The following SGCD variants were observed in gnomAD, a reference collection of about 807,000 sequenced individuals.
SGCD encodes sarcoglycan delta, also known as delta-sarcoglycan.
SGCD carries 18 observed loss-of-function variants against 36.6 expected under a neutral mutation model. That is an observed-to-expected ratio of 0.49 (90% CI 0.34 to 0.73). The LOEUF is 0.73. Among genes scored for constraint, SGCD ranks in the 30% least tolerant of loss-of-function variants. SGCD has a pLI of 0.01. For synonymous variants in SGCD, 133 were observed against 130.6 expected, an observed-to-expected ratio of 1.02 and a Z score of -0.12; for missense variants, 387 against 346.7, an observed-to-expected ratio of 1.12 and a Z score of -0.92.
intron 1 of SGCD, among the ~76,000 whole-genome samples, chr5:155,889,729 C>T (rs562849122): frequency 3.3e-5 from 5 of 152,194 alleles, no homozygotes; most frequent in African/African-American, 7.2e-5. Flanking sequence ...GCATCAAATG[C>T]ATTGCCTGCC....
At chr5:156,369,981 G>T (rs1332151124) in intron 3 of SGCD, among the ~76,000 whole-genome samples, 1 of 152,114 alleles carries the variant, frequency 6.6e-6, no homozygotes, top group Non-Finnish European at 1.5e-5. Context: ...AGTCACAAGA[G>T]CTATTACAGG....
At chr5:156,305,378 G>T (rs1767176731) in intron 3 of SGCD, among the ~76,000 whole-genome samples, 5 of 152,208 alleles carry the variant, frequency 3.3e-5, no homozygotes, top group Admixed American at 3.3e-4. Context: ...CTTTCAGAGG[G>T]TGCAAGTCTC....
chr5:156,598,354 C>G (rs1761023234), intron 6 of SGCD, among the ~76,000 whole-genome samples: 1 of 151,976 alleles, frequency 6.6e-6, no homozygotes, highest in Non-Finnish European at 1.5e-5. Context: ...CCAGCCTGAC[C>G]AACATGGTGA....
intron 3 of SGCD, among the ~76,000 whole-genome samples, chr5:156,149,161 G>A (rs1762775894): frequency 6.6e-6 from 1 of 152,174 alleles, no homozygotes; most frequent in Non-Finnish European, 1.5e-5. Flanking sequence ...TATCTGTGGA[G>A]TACATGAGAT....
At chr5:156,362,681 T>A (rs1186477218) in intron 3 of SGCD, among the ~76,000 whole-genome samples, 4 of 152,094 alleles carry the variant, frequency 2.6e-5, no homozygotes, top group Non-Finnish European at 1.5e-5. Context: ...CATTCCATAG[T>A]GTGACTACTG....
rs1416567436 is a variant in SGCD, at chr5:155,947,292, CTTGTGT to C, written c.-282+76869_-282+76874del. ...TTAGCTTGGTATTATCATAAATACT[CTTGTGT>C]GTGTGTGTGTGTGTGTGTGTGTGTG... On this transcript the variant is annotated intron_variant, in intron 1 of 9. Coordinates refer to the SGCD transcript ENST00000517913. Among the ~76,000 whole-genome samples, 460 of 105,420 alleles carry C rather than the reference CTTGTGT, an allele frequency of 4.4e-3. 1 individual carries two copies. Among genetic ancestry groups the C allele is most frequent in the Non-Finnish European group, 5.2e-3 (281 of 53,936 alleles). The allele number at this position is 105,420 out of a possible 152,430, so 69.2% of individuals were successfully genotyped here.
Position 156,053,622 on chromosome 5 carries a change from A to G in SGCD, c.-281-64256A>G, listed in dbSNP as rs1759978990. Among the ~76,000 whole-genome samples, 2 of 146,346 alleles carry G rather than the reference A, an allele frequency of 1.4e-5. 1 individual carries two copies. The highest frequency in any genetic ancestry group is 3.1e-5 in the Non-Finnish European group (2 of 64,916). ...GTGTGATTCCCCTGGCCATGTGCCT[A>G]TGAAGCCAGCCTTAACTTTTGGGGT... is the stretch of plus-strand genomic sequence containing the variant. On this transcript the variant is annotated intron_variant, in intron 1 of 9. Coordinates refer to the SGCD transcript ENST00000517913.
intron 3 of SGCD, among the ~76,000 whole-genome samples, chr5:156,197,183 A>T (rs1199380788): frequency 3.9e-5 from 6 of 152,198 alleles, no homozygotes; most frequent in African/African-American, 1.4e-4. Flanking sequence ...TTGCCATAAA[A>T]GTGCCATGGA....
chr5:156,177,497 G>T (rs1763502250), intron 3 of SGCD, among the ~76,000 whole-genome samples: 1 of 152,150 alleles, frequency 6.6e-6, no homozygotes, highest in African/African-American at 2.4e-5. Flanking sequence ...AGCAACTCAA[G>T]TTGTTACTTG....
At chr5:155,861,096 T>A in the SGCD span, among the ~76,000 whole-genome samples, 1 of 152,184 alleles carries the variant, frequency 6.6e-6, no homozygotes, top group African/African-American at 2.4e-5. Context: ...CATTTATCAC[T>A]TGTTCAACAA....
intron 3 of SGCD, among the ~76,000 whole-genome samples, chr5:156,418,098 G>A (rs2127775351): frequency 6.6e-6 from 1 of 152,234 alleles, no homozygotes; most frequent in South Asian, 2.1e-4. Context: ...TGGAGAAGCT[G>A]AAGCCCAGAA....
chr5:156,760,963 T>G lies in SGCD; in HGVS notation c.*1573T>G, dbSNP rs1169759961. 6.6e-6 allele frequency: 1 copy of G among 152,252 alleles called. No homozygotes were observed. The highest frequency in any genetic ancestry group is 2.4e-5 in the African/African-American group (1 of 41,450). 9.4% of individuals were successfully genotyped at this position (152,252 alleles called of 1,614,324 possible). On this transcript the variant is annotated 3_prime_UTR_variant, in exon 9 of 9. Transcript: ENST00000337851. ...GATGTGGATTTCAAAGAGCCCAGAA[T>G]GAACTCATCACTGGCTTAGACAGTC...
At position 156,058,278 on chromosome 5, in the gene SGCD, G is replaced by A. The variant is rs1760109915; in HGVS notation, c.-281-59600G>A. On this transcript the variant is annotated intron_variant, in intron 1 of 9. Transcript: ENST00000517913. ...TTAAATTAGTAACATTCACACTGTGGGAAACTTCAGGAGACAACCTAGATT... is the reference window on the plus strand; with the variant it reads ...TTAAATTAGTAACATTCACACTGTGAGAAACTTCAGGAGACAACCTAGATT... 1.4e-5 allele frequency among the ~76,000 whole-genome samples: 2 copies of A among 146,170 alleles called. 1 individual carries two copies. The highest frequency in any genetic ancestry group is 4.3e-4 in the South Asian group (2 of 4,658).
chr5:156,455,260 C>G (rs1754202530), intron 3 of SGCD, among the ~76,000 whole-genome samples: 1 of 152,148 alleles, frequency 6.6e-6, no homozygotes, highest in Non-Finnish European at 1.5e-5. Flanking sequence ...CAGTGTATGG[C>G]AGTCTCTGAA....
At chr5:156,009,647 C>G (rs1758819345) in intron 1 of SGCD, among the ~76,000 whole-genome samples, 1 of 152,186 alleles carries the variant, frequency 6.6e-6, no homozygotes, top group Non-Finnish European at 1.5e-5. Flanking sequence ...CAGGTTATGG[C>G]TGGCCCAGGG....
intron 6 of SGCD, among the ~76,000 whole-genome samples, chr5:156,607,458 T>C (rs1346701050): frequency 2.0e-5 from 3 of 152,248 alleles, no homozygotes; most frequent in East Asian, 1.9e-4. Context: ...CAGTATTTTA[T>C]TGAGGATTTT....
the SGCD span, among the ~76,000 whole-genome samples, chr5:155,846,827 T>C: frequency 6.6e-6 from 1 of 152,210 alleles, no homozygotes; most frequent in Non-Finnish European, 1.5e-5. Context: ...TCATATTGGC[T>C]AGTAATTATT....
intron 3 of SGCD, among the ~76,000 whole-genome samples, chr5:156,129,210 G>A (rs531401014): frequency 3.7e-4 from 57 of 152,238 alleles, no homozygotes; most frequent in African/African-American, 1.3e-3. Context: ...TTAAAATTTT[G>A]TTAGGAACTG....
intron 7 of SGCD, among the ~76,000 whole-genome samples, chr5:156,701,924 A>G (rs1252400019): frequency 6.6e-6 from 1 of 152,194 alleles, no homozygotes; most frequent in Non-Finnish European, 1.5e-5. Flanking sequence ...TGCTTTTATG[A>G]GAAGATATAA....
Sources: gnomAD v4.1 joint callset for allele counts (sites outside exome capture counted in the v4.1 genomes callset) on GRCh38, gnomAD v4.1.1 for gene constraint, MANE v1.5 for transcripts, NCBI Gene and HGNC (gene_info 2026-07-23, HGNC 2026-07-21) for gene names.